The following JAKMIP3 variants were observed in gnomAD, a reference collection of about 807,000 sequenced individuals.
JAKMIP3 encodes the protein Janus kinase and microtubule interacting protein 3, also known as janus kinase and microtubule-interacting protein 3.
A neutral mutation model predicts 118.5 loss-of-function variants in JAKMIP3; 58 were observed. The observed-to-expected ratio is 0.49, with a 90% confidence interval of 0.40 to 0.61. The LOEUF (loss-of-function observed/expected upper bound fraction) is 0.61, where lower values mean the gene tolerates loss of function less well. JAKMIP3 is among the 20% of genes least tolerant of loss of function. JAKMIP3 has a pLI of 0.00. For missense variants in JAKMIP3, 950 were observed against 1,109.0 expected (o/e 0.86, Z 2.04); for synonymous variants, 486 against 451.2 (o/e 1.08, Z -0.98).
intron 2 of JAKMIP3, among the ~76,000 whole-genome samples, chr10:132,108,946 T>G (rs1353201127): frequency 6.7e-6 from 1 of 149,210 alleles, no homozygotes; most frequent in African/African-American, 2.5e-5. Context: ...TATATATAAA[T>G]TATATACGCA....
intron 1 of JAKMIP3, among the ~76,000 whole-genome samples, chr10:132,072,944 C>T (rs1449382387): frequency 1.3e-5 from 2 of 152,122 alleles, no homozygotes; most frequent in Non-Finnish European, 2.9e-5. Context: ...GTATCTGTTC[C>T]ACTCTGTCTG....
At chr10:132,145,257 A>G in intron 12 of JAKMIP3, 67 bp downstream of exon 12, 1 of 1,300,426 alleles carries the variant, frequency 7.7e-7, no homozygotes, top group Non-Finnish European at 1.1e-6. Context: ...GCTGTACCTA[A>G]AGACAAGCTT....
chr10:132,112,431 A>G lies in JAKMIP3; in HGVS notation c.136-4646A>G, dbSNP rs2047012997. On this transcript the variant is annotated intron_variant, in intron 2 of 23. Transcript: ENST00000684848. The surrounding 1 kb of genome is among the most constrained non-coding windows in gnomAD (Gnocchi z 4.3). ...CATACTCTTGGACTTCACCCACCTCATGCCTGCTTCCAGAACATTCCATCC... is the reference window on the plus strand; with the variant it reads ...CATACTCTTGGACTTCACCCACCTCGTGCCTGCTTCCAGAACATTCCATCC... Among the ~76,000 whole-genome samples, 1 of 152,158 alleles carries G rather than the reference A, an allele frequency of 6.6e-6. No individual in the cohort carries two copies. The highest frequency in any genetic ancestry group is 1.5e-5 in the Non-Finnish European group (1 of 68,022).
At chr10:132,111,538 C>A (rs184161318) in intron 2 of JAKMIP3, among the ~76,000 whole-genome samples, 179 of 152,026 alleles carry the variant, frequency 1.2e-3, no homozygotes, top group African/African-American at 4.1e-3. Flanking sequence ...GGGGGCCATG[C>A]GGGTGTGGGG....
intron 23 of JAKMIP3, among the ~76,000 whole-genome samples, chr10:132,174,438 G>A (rs1438609817): frequency 6.6e-6 from 1 of 151,930 alleles, no homozygotes; most frequent in Non-Finnish European, 1.5e-5. Context: ...GGGCTCCGTG[G>A]GCTCTGTGGG....
intron 23 of JAKMIP3, among the ~76,000 whole-genome samples, chr10:132,181,057 C>T (rs565247678): frequency 9.9e-5 from 15 of 151,690 alleles, no homozygotes; most frequent in African/African-American, 3.4e-4. Flanking sequence ...GTGTATTGTG[C>T]ATTGTGTGTA....
rs767530782 is a variant in JAKMIP3, at chr10:132,135,072, G to A, written c.881G>A (p.Arg294His). The A allele has an allele frequency of 3.7e-6, 6 of 1,613,476 alleles. No individual in the cohort carries two copies. Among genetic ancestry groups the A allele is most frequent in the East Asian group, 2.2e-5 (1 of 44,888 alleles). Residue 294 changes from arginine (R) to histidine (H), a missense_variant, in exon 5 of 24, where the codon CGC (arginine) becomes CAC (histidine). Physicochemically the swap from Arg to His is conservative, Grantham distance 29. Coordinates refer to ENST00000684848, the MANE Select transcript of JAKMIP3 (RefSeq NM_001323087.2). ...EQQLDEKDAR[R>H]FQLKIAELSA... ...CAGTTGGATGAAAAAGATGCCCGGC[G>A]CTTCCAGCTTAAAATCGCGGAGTTA...
intron 4 of JAKMIP3, among the ~76,000 whole-genome samples, chr10:132,133,997 C>A (rs1245357932): frequency 1.3e-5 from 2 of 152,238 alleles, no homozygotes; most frequent in Admixed American, 1.3e-4. Context: ...ACTCTCATCA[C>A]CAGTCACCCT....
Position 132,086,201 on chromosome 10 carries a change from T to G in JAKMIP3, c.-137-18471T>G, listed in dbSNP as rs2042376363. Among the ~76,000 whole-genome samples, 3 of 152,224 alleles carry G rather than the reference T, an allele frequency of 2.0e-5. No homozygotes were observed. The South Asian group carries it at 6.2e-4, about 32-fold the overall frequency. ...TCCTTTTGGAGTTGATTTCCAGTTT[T>G]ATTTCACTGTGGTCTGAGAGAGTGC... On this transcript the variant is annotated intron_variant, in intron 1 of 23. Transcript: ENST00000684848.
chr10:132,102,160 C>T (rs564023205), intron 1 of JAKMIP3, among the ~76,000 whole-genome samples: 12 of 152,146 alleles, frequency 7.9e-5, no homozygotes, highest in Non-Finnish European at 1.2e-4. Flanking sequence ...CAAGGCCAGC[C>T]GAGCCCCCTT....
intron 20 of JAKMIP3, 122 bp from the exon 21 acceptor site, chr10:132,164,548 G>T: frequency 1.5e-6 from 1 of 685,884 alleles, no homozygotes; most frequent in Middle Eastern, 2.4e-4. Context: ...GGAGCCACGG[G>T]CCATGGCCAT....
chr10:132,140,327 G>A (rs1248102909), intron 9 of JAKMIP3, 124 bp from the exon 10 acceptor site: 2 of 1,366,072 alleles, frequency 1.5e-6, no homozygotes, highest in Middle Eastern at 2.2e-4. Context: ...GCCAGGGACA[G>A]AGATGGGAGT....
At chr10:132,180,595 G>GTGCA (rs2060830746) in intron 23 of JAKMIP3, among the ~76,000 whole-genome samples, 1 of 55,752 alleles carries the variant, frequency 1.8e-5, no homozygotes, top group Admixed American at 2.4e-4. Context: ...GCGTGTGTGT[G>GTGCA]TGCGTGCGCG....
chr10:132,046,965 C>G (rs1450418427), intron 1 of JAKMIP3, among the ~76,000 whole-genome samples: 3 of 152,158 alleles, frequency 2.0e-5, no homozygotes, highest in African/African-American at 7.2e-5. Context: ...CTCATTGCAA[C>G]CTTGTACTCC....
At chr10:132,067,826 G>A (rs1002035737) in intron 1 of JAKMIP3, among the ~76,000 whole-genome samples, 4 of 147,950 alleles carry the variant, frequency 2.7e-5, no homozygotes, top group African/African-American at 1.0e-4. Context: ...CGTGTGGACT[G>A]GACTGTGGGC....
At chr10:132,180,572 T>TGCGTGC (rs1454752016) in intron 23 of JAKMIP3, among the ~76,000 whole-genome samples, 4 of 29,442 alleles carry the variant, frequency 1.4e-4, no homozygotes, top group African/African-American at 1.9e-4. Flanking sequence ...TGTGTGCGTG[T>TGCGTGC]GTGTGTGCGT....
At chr10:132,068,422 T>A (rs371731561) in intron 1 of JAKMIP3, among the ~76,000 whole-genome samples, 3 of 152,232 alleles carry the variant, frequency 2.0e-5, no homozygotes, top group African/African-American at 7.2e-5. Flanking sequence ...CACTAGCCAC[T>A]GAGATGACTC....
chr10:132,118,014 C>CG lies in JAKMIP3; in HGVS notation c.633+446dup, dbSNP rs1221350391. Reference sequence around the variant, plus strand: ...GCAGCAGGAGTCCCACACATCCTCACGGGGGGACTCAGAGGGAATTCTCCA... The same window carrying CG: ...GCAGCAGGAGTCCCACACATCCTCACGGGGGGGACTCAGAGGGAATTCTCCA... On this transcript the variant is annotated intron_variant, in intron 3 of 23. Transcript: ENST00000684848. The surrounding 1 kb of genome is among the most constrained non-coding windows in gnomAD (Gnocchi z 4.8). Among the ~76,000 whole-genome samples the CG allele has an allele frequency of 1.3e-5, 2 of 152,120 alleles. No individual in the cohort carries two copies. Among genetic ancestry groups the CG allele is most frequent in the Non-Finnish European group, 2.9e-5 (2 of 68,018 alleles).
chr10:132,094,817 T>A (rs1042520581), intron 1 of JAKMIP3, among the ~76,000 whole-genome samples: 11 of 152,100 alleles, frequency 7.2e-5, no homozygotes. Context: ...GCCTTTTGTC[T>A]TCAGCTACCA....
Sources: allele counts gnomAD v4.1 joint callset (sites outside exome capture counted in the v4.1 genomes callset), GRCh38; gene constraint gnomAD v4.1.1; non-coding constraint Gnocchi (gnomAD v3.1); transcripts MANE v1.5; gene names NCBI Gene and HGNC (gene_info 2026-07-23, HGNC 2026-07-21).